KCNH1: variants seen among roughly 807,000 people sequenced by gnomAD.
KCNH1 encodes voltage-gated delayed rectifier potassium channel KCNH1.
A neutral mutation model predicts 69.2 loss-of-function variants in KCNH1; 27 were observed. The ratio of observed to expected loss-of-function variants is 0.39; its 90% CI spans 0.29 to 0.54. The LOEUF (loss-of-function observed/expected upper bound fraction) is 0.54, where lower values mean the gene tolerates loss of function less well. Ranked by LOEUF, KCNH1 falls within the 20% of genes least tolerant of loss-of-function variation. The pLI is 0.68. For synonymous variants in KCNH1, 456 were observed against 487.7 expected, an observed-to-expected ratio of 0.93 and a Z score of 0.86; for missense variants, 798 against 1,261.6, an observed-to-expected ratio of 0.63 and a Z score of 5.57.
intron 10 of KCNH1, among the ~76,000 whole-genome samples, chr1:210,749,804 G>A (rs1403704452): frequency 1.3e-5 from 2 of 149,070 alleles, no homozygotes; most frequent in African/African-American, 5.0e-5. Context: ...GTACAATGGC[G>A]TGATCTCATC....
At chr1:211,026,621 C>T (rs1180277597) in intron 5 of KCNH1, among the ~76,000 whole-genome samples, 1 of 152,148 alleles carries the variant, frequency 6.6e-6, no homozygotes, top group East Asian at 1.9e-4. Flanking sequence ...CATCTCCTCT[C>T]CTACTGAGAT....
Position 210,885,477 on chromosome 1 carries a change from G to A in KCNH1, c.1462+34163C>T, listed in dbSNP as rs933009886. On this transcript the variant is annotated intron_variant, in intron 7 of 10. Coordinates refer to ENST00000271751, the MANE Select transcript of KCNH1 (RefSeq NM_172362.3). ...GCCCTGGGTTTCAAGCACAAAACCG[G>A]GCTGCCATTTGGGCAGGAGTTTTTT... is the stretch of plus-strand genomic sequence containing the variant. Among the ~76,000 whole-genome samples the A allele has an allele frequency of 7.9e-5, 12 of 151,898 alleles. 1 individual carries two copies. Among genetic ancestry groups the A allele is most frequent in the African/African-American group, 2.9e-4 (12 of 41,250 alleles).
chr1:211,042,568 G>A (rs1251077662), intron 5 of KCNH1, among the ~76,000 whole-genome samples: 2 of 152,330 alleles, frequency 1.3e-5, no homozygotes, highest in African/African-American at 2.4e-5. Flanking sequence ...CATCAAGACA[G>A]AAAGTCAATA....
At chr1:210,957,363 TGTG>T (rs1688199303) in intron 6 of KCNH1, among the ~76,000 whole-genome samples, 1 of 152,168 alleles carries the variant, frequency 6.6e-6, no homozygotes, top group Admixed American at 6.6e-5. Context: ...AAAAGTGCGA[TGTG>T]GTTCTGAGAA....
At chr1:210,716,712 G>A (rs1682261986) in intron 10 of KCNH1, among the ~76,000 whole-genome samples, 2 of 152,150 alleles carry the variant, frequency 1.3e-5, no homozygotes, top group Admixed American at 6.5e-5. Flanking sequence ...TGACCAAATT[G>A]TCTCTGATTA....
rs1352197374 is a variant in KCNH1, at chr1:210,681,378, T to G, written c.*1903A>C. 1 of 152,238 alleles carries G rather than the reference T, an allele frequency of 6.6e-6. No individual in the cohort carries two copies. Among genetic ancestry groups the G allele is most frequent in the African/African-American group, 2.4e-5 (1 of 41,444 alleles). 9.4% of individuals were successfully genotyped at this position (152,238 alleles called of 1,614,324 possible). ...GCCGCCATCTGAGGCTAAATCTAAT[T>G]ATGTCGCAACCTGGAGAAGCCAGGG... On this transcript the variant is annotated 3_prime_UTR_variant, in exon 11 of 11. Coordinates refer to ENST00000271751, the MANE Select transcript of KCNH1 (RefSeq NM_172362.3).
intron 7 of KCNH1, among the ~76,000 whole-genome samples, chr1:210,900,713 C>T (rs1393031): frequency 0.05 from 7,635 of 152,228 alleles, 287 homozygotes; most frequent in Non-Finnish European, 0.075. Flanking sequence ...CCCATCTCTT[C>T]TGCAGAGTGG....
chr1:210,751,952 A>G, intron 10 of KCNH1, among the ~76,000 whole-genome samples: 1 of 152,094 alleles, frequency 6.6e-6, no homozygotes, highest in East Asian at 1.9e-4. Flanking sequence ...ATGTAGACTG[A>G]GGAAGGCTGC....
chr1:210,995,391 G>T (rs1403188738), intron 6 of KCNH1, among the ~76,000 whole-genome samples: 1 of 152,138 alleles, frequency 6.6e-6, no homozygotes, highest in Non-Finnish European at 1.5e-5. Flanking sequence ...CACAGCAATT[G>T]TCTGCCAATG....
chr1:210,735,798 G>GACAC (rs34116468), intron 10 of KCNH1, among the ~76,000 whole-genome samples: 5 of 147,424 alleles, frequency 3.4e-5, no homozygotes, highest in African/African-American at 1.0e-4. Context: ...TGCATACACA[G>GACAC]ACACACACAC....
intron 3 of KCNH1, among the ~76,000 whole-genome samples, chr1:211,091,382 C>A (rs941897610): frequency 1.3e-5 from 2 of 151,928 alleles, no homozygotes; most frequent in Non-Finnish European, 2.9e-5. Flanking sequence ...GGCCAGGGTG[C>A]TCTCGAACTC....
chr1:210,939,778 G>C (rs1687845109), intron 6 of KCNH1, among the ~76,000 whole-genome samples: 1 of 152,178 alleles, frequency 6.6e-6, no homozygotes, highest in Non-Finnish European at 1.5e-5. Flanking sequence ...TTTGAACCCA[G>C]ATCAACTGAC....
At chr1:210,825,496 C>T (rs1217358652) in intron 7 of KCNH1, among the ~76,000 whole-genome samples, 3 of 152,162 alleles carry the variant, frequency 2.0e-5, no homozygotes, top group African/African-American at 4.8e-5. Context: ...CCATTTCACA[C>T]ACCTTTGCTT....
Position 210,683,076 on chromosome 1 carries a change from C to T in KCNH1, c.*205G>A. 1 of 626,796 alleles carries T rather than the reference C, an allele frequency of 1.6e-6. No homozygotes were observed. 38.8% of individuals were successfully genotyped at this position (626,796 alleles called of 1,614,324 possible). On this transcript the variant is annotated 3_prime_UTR_variant, in exon 11 of 11. Coordinates refer to ENST00000271751, the MANE Select transcript of KCNH1 (RefSeq NM_172362.3). The surrounding 1 kb of genome is among the most constrained non-coding windows in gnomAD (Gnocchi z 5.7). Reference sequence around the variant, plus strand: ...TTGTGCAAAGACGGTTCAGATGCAGCTGCCACCTTGCAGGGTAGGGGCACG... The same window carrying T: ...TTGTGCAAAGACGGTTCAGATGCAGTTGCCACCTTGCAGGGTAGGGGCACG...
intron 10 of KCNH1, among the ~76,000 whole-genome samples, chr1:210,712,482 A>G (rs969165568): frequency 4.6e-5 from 7 of 152,326 alleles, no homozygotes; most frequent in Admixed American, 4.6e-4. Flanking sequence ...TGGGAGAAAG[A>G]AAAATGCCTT....
At chr1:210,880,460 T>C (rs1456659057) in intron 7 of KCNH1, among the ~76,000 whole-genome samples, 2 of 152,136 alleles carry the variant, frequency 1.3e-5, no homozygotes, top group South Asian at 2.1e-4. Context: ...TGATCTTTAA[T>C]AAAGGAGTAA....
At chr1:211,109,870 C>T (rs1161454728) in intron 1 of KCNH1, among the ~76,000 whole-genome samples, 1 of 150,260 alleles carries the variant, frequency 6.7e-6, no homozygotes, top group African/African-American at 2.4e-5. Flanking sequence ...GTATTACATC[C>T]ACAAAACAAA....
At chr1:210,757,129 GCCCTGGGGGAGGCTGTCAT>G (rs1481445618) in intron 10 of KCNH1, among the ~76,000 whole-genome samples, 75 of 152,272 alleles carry the variant, frequency 4.9e-4, no homozygotes, top group African/African-American at 1.6e-3. Flanking sequence ...GCCCTTTGTA[GCCCTGGGGGAGGCTGTCAT>G]CCCAGTGATG....
At chr1:211,035,845 T>C (rs1036589225) in intron 5 of KCNH1, among the ~76,000 whole-genome samples, 2 of 152,210 alleles carry the variant, frequency 1.3e-5, no homozygotes, top group Non-Finnish European at 2.9e-5. Context: ...CCTTTCAAAA[T>C]ACAGTACAAA....
Sources: allele counts gnomAD v4.1 joint callset (sites outside exome capture counted in the v4.1 genomes callset), GRCh38; gene constraint gnomAD v4.1.1; non-coding constraint Gnocchi (gnomAD v3.1); transcripts MANE v1.5; gene names NCBI Gene and HGNC (gene_info 2026-07-23, HGNC 2026-07-21).